NARS2: variants seen among roughly 807,000 people sequenced by gnomAD.
NARS2 encodes the protein asparaginyl-tRNA synthetase 2, mitochondrial.
A neutral mutation model predicts 62.9 loss-of-function variants in NARS2; 60 were observed. That is an observed-to-expected ratio of 0.95 (90% confidence interval 0.77 to 1.18). The LOEUF (loss-of-function observed/expected upper bound fraction) is 1.18, where lower values mean the gene tolerates loss of function less well. Among genes scored for constraint, NARS2 ranks in the 50% most tolerant of loss-of-function variants. The pLI is 0.00. For synonymous variants in NARS2, 196 were observed against 200.0 expected (o/e 0.98, Z 0.17); for missense variants, 619 against 576.4 (o/e 1.07, Z -0.76).
At chr11:78,529,940 A>AC (rs1378494943) in intron 5 of NARS2, among the ~76,000 whole-genome samples, 3 of 152,240 alleles carry the variant, frequency 2.0e-5, no homozygotes, top group African/African-American at 7.2e-5. Context: ...AGACTCTTTT[A>AC]ACAGGCTTAG....
intron 6 of NARS2, among the ~76,000 whole-genome samples, chr11:78,511,226 T>C (rs902738289): frequency 2.1e-4 from 32 of 152,190 alleles, no homozygotes; most frequent in South Asian, 1.4e-3. Flanking sequence ...TACAGGCATG[T>C]GCCACCACGC....
intron 3 of NARS2, among the ~76,000 whole-genome samples, chr11:78,566,710 A>T (rs562996648): frequency 6.6e-6 from 1 of 152,236 alleles, no homozygotes; most frequent in African/African-American, 2.4e-5. Context: ...TTGAAAGCCC[A>T]TATCATTCAT....
At chr11:78,480,790 G>A (rs1859320120) in intron 7 of NARS2, among the ~76,000 whole-genome samples, 1 of 151,652 alleles carries the variant, frequency 6.6e-6, no homozygotes, top group Non-Finnish European at 1.5e-5. Context: ...TAAGGATCTT[G>A]TATCCTAAAA....
intron 11 of NARS2, among the ~76,000 whole-genome samples, chr11:78,448,850 A>G: frequency 6.6e-6 from 1 of 152,188 alleles, no homozygotes. Context: ...TCTTGCTGCT[A>G]AGATAACTAA....
intron 6 of NARS2, among the ~76,000 whole-genome samples, chr11:78,523,744 C>T (rs6592784): frequency 0.78 from 118,385 of 152,116 alleles, 46,381 homozygotes; most frequent in Non-Finnish European, 0.81. Flanking sequence ...TATCTATATA[C>T]GATAAATATT....
intron 6 of NARS2, among the ~76,000 whole-genome samples, chr11:78,502,481 A>C (rs1051355223): frequency 6.6e-6 from 1 of 152,192 alleles, no homozygotes; most frequent in Non-Finnish European, 1.5e-5. Context: ...TAACAGTACT[A>C]TCTTCAAATA....
At chr11:78,538,224 C>A (rs763767703) in intron 5 of NARS2, among the ~76,000 whole-genome samples, 1 of 152,122 alleles carries the variant, frequency 6.6e-6, no homozygotes, top group Non-Finnish European at 1.5e-5. Context: ...ACATTCACCT[C>A]AAAAATCACT....
chr11:78,524,780 C>T (rs1188641262), intron 6 of NARS2, among the ~76,000 whole-genome samples: 2 of 151,894 alleles, frequency 1.3e-5, no homozygotes, highest in African/African-American at 4.8e-5. Flanking sequence ...CTTCTAAATA[C>T]CATCTTCTAA....
chr11:78,482,872 T>A (rs1465786841), intron 7 of NARS2, among the ~76,000 whole-genome samples: 1 of 151,452 alleles, frequency 6.6e-6, no homozygotes, highest in African/African-American at 2.4e-5. Context: ...AAAGAGGGAG[T>A]CCTGTAACCC....
intron 5 of NARS2, among the ~76,000 whole-genome samples, chr11:78,541,409 C>T (rs1855615074): frequency 6.6e-6 from 1 of 151,594 alleles, no homozygotes; most frequent in African/African-American, 2.4e-5. Context: ...AAGTGATCCT[C>T]TCACCTCTGC....
At chr11:78,567,344 C>A (rs1200286770) in intron 3 of NARS2, among the ~76,000 whole-genome samples, 1 of 152,086 alleles carries the variant, frequency 6.6e-6, no homozygotes, top group African/African-American at 2.4e-5. Context: ...ACATTCTAGG[C>A]AGGATGGAGC....
At chr11:78,564,555 T>C (rs1565288016) in intron 4 of NARS2, among the ~76,000 whole-genome samples, 2 of 152,180 alleles carry the variant, frequency 1.3e-5, no homozygotes, top group African/African-American at 4.8e-5. Flanking sequence ...TACATATCTC[T>C]AAAAGTTTCA....
chr11:78,572,350 A>G (rs1284076941), intron 1 of NARS2, among the ~76,000 whole-genome samples: 1 of 152,224 alleles, frequency 6.6e-6, no homozygotes, highest in Non-Finnish European at 1.5e-5. Context: ...TTATCATTTT[A>G]GAGCTGATGA....
chr11:78,538,291 A>T (rs576578947), intron 5 of NARS2, among the ~76,000 whole-genome samples: 1 of 152,278 alleles, frequency 6.6e-6, no homozygotes, highest in African/African-American at 2.4e-5. Context: ...AGACTAGTAA[A>T]AATGACCCTT....
At chr11:78,564,645 A>AATTT (rs1856681529) in intron 4 of NARS2, among the ~76,000 whole-genome samples, 1 of 152,136 alleles carries the variant, frequency 6.6e-6, no homozygotes, top group Non-Finnish European at 1.5e-5. Context: ...CAGAACTAAT[A>AATTT]ATTTATCAGC....
chr11:78,495,945 A>T (rs1351494419), intron 6 of NARS2, among the ~76,000 whole-genome samples: 1 of 152,194 alleles, frequency 6.6e-6, no homozygotes, highest in Non-Finnish European at 1.5e-5. Flanking sequence ...AGGGATTTTT[A>T]AATTTTGCAG....
At chr11:78,568,027 T>C (rs886653975) in intron 3 of NARS2, among the ~76,000 whole-genome samples, 1 of 152,256 alleles carries the variant, frequency 6.6e-6, no homozygotes, top group African/African-American at 2.4e-5. Flanking sequence ...CAGAAGAGTC[T>C]TGCAAAAACA....
At chr11:78,504,175 T>C (rs1453362866) in intron 6 of NARS2, among the ~76,000 whole-genome samples, 6 of 152,210 alleles carry the variant, frequency 3.9e-5, no homozygotes, top group African/African-American at 1.2e-4. Flanking sequence ...TCACACCATA[T>C]TGTCCTAAAG....
intron 12 of NARS2, 141 bp from the exon 13 acceptor site, chr11:78,441,258 A>G (rs1216953725): frequency 1.5e-6 from 1 of 653,674 alleles, no homozygotes; most frequent in Non-Finnish European, 2.6e-6. Context: ...AATACTCAAT[A>G]TAGTTGAGGA....
Sources: gnomAD v4.1 joint callset for allele counts (sites outside exome capture counted in the v4.1 genomes callset) on GRCh38, gnomAD v4.1.1 for gene constraint, MANE v1.5 for transcripts, NCBI Gene and HGNC (gene_info 2026-07-23, HGNC 2026-07-21) for gene names.